The following RNF150 variants were observed in gnomAD, a reference collection of about 807,000 sequenced individuals.
RNF150 encodes ring finger protein 150.
In RNF150, 24 loss-of-function variants were observed where a neutral mutation model predicts 39.3. The observed-to-expected ratio is 0.61, with a 90% CI of 0.44 to 0.86. The LOEUF (loss-of-function observed/expected upper bound fraction) is 0.86, where lower values mean the gene tolerates loss of function less well. RNF150 is among the 40% of genes least tolerant of loss of function. The pLI, the probability that RNF150 is intolerant of heterozygous loss-of-function variation, is 0.00. For synonymous variants in RNF150, 255 were observed against 227.3 expected (o/e 1.12, Z -1.10); for missense variants, 502 against 587.8 (o/e 0.85, Z 1.51).
At chr4:141,034,829 C>T (rs1055936684) in intron 1 of RNF150, among the ~76,000 whole-genome samples, 2 of 151,958 alleles carry the variant, frequency 1.3e-5, no homozygotes, top group South Asian at 4.2e-4. Flanking sequence ...TGCAGCACCC[C>T]CAAACAAGTA....
intron 5 of RNF150, among the ~76,000 whole-genome samples, chr4:140,921,113 T>C (rs13136412): frequency 0.54 from 80,790 of 148,420 alleles, 22,610 homozygotes; most frequent in East Asian, 0.89. Context: ...CACACCAGCA[T>C]GGCACATGCA....
intron 1 of RNF150, among the ~76,000 whole-genome samples, chr4:141,107,552 C>G (rs1739253060): frequency 6.6e-6 from 1 of 152,128 alleles, no homozygotes; most frequent in Admixed American, 6.6e-5. Flanking sequence ...TAGCACAATG[C>G]CTGACCCAAA....
At chr4:141,130,704 C>T (rs1306309751) in intron 1 of RNF150, among the ~76,000 whole-genome samples, 1 of 152,062 alleles carries the variant, frequency 6.6e-6, no homozygotes, top group Non-Finnish European at 1.5e-5. Flanking sequence ...TAAAGAACAA[C>T]AAAAACAAAA....
At chr4:140,878,164 GTTTTTTTTTTT>G (rs58338048) in intron 6 of RNF150, among the ~76,000 whole-genome samples, 5 of 90,504 alleles carry the variant, frequency 5.5e-5, no homozygotes, top group Non-Finnish European at 1.1e-4. Context: ...ATCTCATTGT[GTTTTTTTTTTT>G]TTTTTTTTTT....
chr4:140,918,376 C>G (rs577799372), intron 5 of RNF150, among the ~76,000 whole-genome samples: 20 of 152,280 alleles, frequency 1.3e-4, no homozygotes, highest in African/African-American at 4.8e-4. Context: ...CACAGAAATA[C>G]AAACTACCAT....
At chr4:141,211,474 C>T (rs969325331) in intron 1 of RNF150, among the ~76,000 whole-genome samples, 4 of 152,078 alleles carry the variant, frequency 2.6e-5, no homozygotes, top group African/African-American at 9.7e-5. Context: ...CTTACATTCC[C>T]AGTTAGAAAA....
chr4:140,879,410 T>C (rs1018708866), intron 6 of RNF150, among the ~76,000 whole-genome samples: 4 of 145,514 alleles, frequency 2.7e-5, no homozygotes, highest in Non-Finnish European at 4.5e-5. Flanking sequence ...TTTTAAGCAA[T>C]GTTTTAAGTT....
intron 1 of RNF150, among the ~76,000 whole-genome samples, chr4:141,138,736 G>C (rs2111122493): frequency 6.6e-6 from 1 of 152,250 alleles, no homozygotes; most frequent in African/African-American, 2.4e-5. Flanking sequence ...TTTTAACTGT[G>C]CTGAGCCACA....
chr4:141,071,053 TA>T (rs1051332946), intron 1 of RNF150, among the ~76,000 whole-genome samples: 4 of 125,746 alleles, frequency 3.2e-5, no homozygotes, highest in African/African-American at 1.2e-4. Context: ...TATGCAGCCA[TA>T]AAAAATGATG....
chr4:141,017,915 T>C (rs889201969), intron 1 of RNF150, among the ~76,000 whole-genome samples: 2 of 152,216 alleles, frequency 1.3e-5, no homozygotes, highest in Admixed American at 6.5e-5. Context: ...AAGGACGTCA[T>C]GGTTGCCTCC....
intron 5 of RNF150, among the ~76,000 whole-genome samples, chr4:140,921,489 C>CA (rs1560968281): frequency 2.6e-5 from 4 of 152,172 alleles, no homozygotes; most frequent in South Asian, 2.1e-4. Context: ...GCCCACCAAC[C>CA]AAAAAAAGTC....
chr4:141,101,541 T>C (rs938058026), intron 1 of RNF150, among the ~76,000 whole-genome samples: 4 of 152,144 alleles, frequency 2.6e-5, no homozygotes, highest in Admixed American at 2.6e-4. Flanking sequence ...TAGAAATAAA[T>C]ACAAAGAGTA....
At chr4:141,090,465 C>T (rs377178123) in intron 1 of RNF150, among the ~76,000 whole-genome samples, 27 of 152,134 alleles carry the variant, frequency 1.8e-4, no homozygotes, top group African/African-American at 5.6e-4. Flanking sequence ...AAAAACCCAC[C>T]TCTACATTTA....
At chr4:141,175,860 G>A (rs1727800248) in intron 1 of RNF150, among the ~76,000 whole-genome samples, 1 of 152,024 alleles carries the variant, frequency 6.6e-6, no homozygotes, top group African/African-American at 2.4e-5. Flanking sequence ...AGACAGCAGA[G>A]AGGAGAAGCA....
intron 1 of RNF150, among the ~76,000 whole-genome samples, chr4:141,025,505 AT>A (rs1208684558): frequency 6.6e-6 from 1 of 152,148 alleles, no homozygotes; most frequent in African/African-American, 2.4e-5. Context: ...ACTCAAAGAT[AT>A]TTAGAAAGAA....
chr4:141,080,983 C>T (rs563476924), intron 1 of RNF150, among the ~76,000 whole-genome samples: 214 of 152,204 alleles, frequency 1.4e-3, no homozygotes, highest in Middle Eastern at 3.4e-3. Flanking sequence ...ACCTGTTTAC[C>T]GGATCACATG....
chr4:141,003,496 C>T (rs2110728708), intron 1 of RNF150, among the ~76,000 whole-genome samples: 1 of 151,940 alleles, frequency 6.6e-6, no homozygotes, highest in South Asian at 2.1e-4. Flanking sequence ...TTACGTTTCC[C>T]ACTGCCTTTC....
chr4:141,091,992 G>C (rs1017644620), intron 1 of RNF150, among the ~76,000 whole-genome samples: 4 of 152,132 alleles, frequency 2.6e-5, no homozygotes, highest in Admixed American at 2.6e-4. Flanking sequence ...AATCTCAGTA[G>C]GTATACTAAG....
At position 141,008,890 on chromosome 4, in the gene RNF150, G is replaced by A. The variant is rs73858463; in HGVS notation, c.485-41017C>T. On this transcript the variant is annotated intron_variant, in intron 1 of 6. Coordinates refer to ENST00000515673, the MANE Select transcript of RNF150 (RefSeq NM_020724.2). ...CAGCATTATCCAGGTTATCCTAAGC[G>A]CTTTGCATTTTTACATAAATTTAAC... 4.3e-3 allele frequency among the ~76,000 whole-genome samples: 657 copies of A among 151,890 alleles called. 5 individuals carry two copies. Among genetic ancestry groups the A allele is most frequent in the African/African-American group, 0.015 (626 of 41,420 alleles).
Sources: allele counts gnomAD v4.1 joint callset (sites outside exome capture counted in the v4.1 genomes callset), GRCh38; gene constraint gnomAD v4.1.1; transcripts MANE v1.5; gene names NCBI Gene and HGNC (gene_info 2026-07-23, HGNC 2026-07-21).